PON3: variants seen among roughly 807,000 people sequenced by gnomAD.
PON3 encodes paraoxonase 3.
A neutral mutation model predicts 36.3 loss-of-function variants in PON3; 37 were observed. That is an observed-to-expected ratio of 1.02 (90% CI 0.78 to 1.34). PON3 has a LOEUF of 1.34. PON3 is among the 40% of genes most tolerant of loss of function. The pLI, the probability that PON3 is intolerant of heterozygous loss-of-function variation, is 0.00. For synonymous variants in PON3, 155 were observed against 154.8 expected (o/e 1.00, Z -0.01); for missense variants, 415 against 426.5 (o/e 0.97, Z 0.24).
chr7:95,365,760 C>G (rs999994410), intron 5 of PON3: 2 of 152,284 alleles, frequency 1.3e-5, no homozygotes, highest in Non-Finnish European at 2.9e-5. Flanking sequence ...AGGGAAGGAT[C>G]CTTCCTTGCC....
chr7:95,384,377 T>A (rs942997367), intron 3 of PON3, among the ~76,000 whole-genome samples: 1 of 151,996 alleles, frequency 6.6e-6, no homozygotes, highest in Non-Finnish European at 1.5e-5. Context: ...ACTAAAGAGC[T>A]TCTGCATAGC....
At chr7:95,387,874 C>A (rs1210365718) in intron 3 of PON3, among the ~76,000 whole-genome samples, 5 of 152,124 alleles carry the variant, frequency 3.3e-5, no homozygotes, top group Non-Finnish European at 5.9e-5. Context: ...CAAAAACAAG[C>A]AATGGGAAAA....
At chr7:95,395,171 C>G (rs1809402437) in intron 1 of PON3, among the ~76,000 whole-genome samples, 1 of 152,172 alleles carries the variant, frequency 6.6e-6, no homozygotes, top group Admixed American at 6.5e-5. Flanking sequence ...CAAACTCTAT[C>G]ACTTTTGCTT....
At chr7:95,383,197 A>G (rs149643570) in intron 3 of PON3, among the ~76,000 whole-genome samples, 12,827 of 152,154 alleles carry the variant, frequency 0.084, 1,493 homozygotes, top group African/African-American at 0.26. Context: ...TTGATGGGAC[A>G]TATCTCAAAA....
chr7:95,367,275 T>C, intron 5 of PON3, 87 bp downstream of exon 5: 1 of 1,510,756 alleles, frequency 6.6e-7, no homozygotes, highest in Non-Finnish European at 9.0e-7. Context: ...AAAACAAAAG[T>C]TTAAGAAAGC....
chr7:95,389,890 G>A (rs757132158), intron 3 of PON3, among the ~76,000 whole-genome samples: 5 of 152,142 alleles, frequency 3.3e-5, no homozygotes, highest in Non-Finnish European at 7.4e-5. Flanking sequence ...GGAATCGAGT[G>A]GAAATCAATA....
At chr7:95,391,422 G>A (rs1287973758) in intron 2 of PON3, among the ~76,000 whole-genome samples, 4 of 152,130 alleles carry the variant, frequency 2.6e-5, no homozygotes, top group South Asian at 2.1e-4. Context: ...GCCAGATAAC[G>A]TCCTGGTTAA....
Position 95,369,878 on chromosome 7 carries a change from G to C in PON3, c.367+2295C>G, listed in dbSNP as rs192158082. Among the ~76,000 whole-genome samples, 1,432 of 152,300 alleles carry C rather than the reference G, an allele frequency of 9.4e-3. 25 individuals carry two copies. Among genetic ancestry groups the C allele is most frequent in the South Asian group, 0.025 (120 of 4,818 alleles). On this transcript the variant is annotated intron_variant, in intron 4 of 8. Transcript: ENST00000265627. ...CAAATTGGAACAAGATGGTGGGCAG[G>C]CTTCCCTGAGAAGATGATATTTAAG...
At chr7:95,385,716 C>G (rs1809174754) in intron 3 of PON3, among the ~76,000 whole-genome samples, 2 of 152,172 alleles carry the variant, frequency 1.3e-5, no homozygotes, top group African/African-American at 4.8e-5. Context: ...CACAAACTGT[C>G]TCTCAGACCA....
At chr7:95,396,138 T>G in intron 1 of PON3, 139 bp downstream of exon 1, 1 of 919,890 alleles carries the variant, frequency 1.1e-6, no homozygotes, top group Non-Finnish European at 1.8e-6. Context: ...CAAGGGGCGG[T>G]TTGCTGGGTG....
chr7:95,383,595 C>G (rs1036059512), intron 3 of PON3, among the ~76,000 whole-genome samples: 4 of 152,134 alleles, frequency 2.6e-5, no homozygotes, highest in African/African-American at 9.7e-5. Flanking sequence ...AGTGAACTCC[C>G]ATTCACAATT....
intron 3 of PON3, among the ~76,000 whole-genome samples, chr7:95,382,792 C>A (rs2116408780): frequency 6.6e-6 from 1 of 152,266 alleles, no homozygotes; most frequent in East Asian, 1.9e-4. Context: ...GAGCTGGTAC[C>A]ATTCTTCCTA....
At position 95,362,353 on chromosome 7, in the gene PON3, G is replaced by A. The variant is rs199823263; in HGVS notation, c.906+9C>T. 23 of 1,613,612 alleles carry A rather than the reference G, an allele frequency of 1.4e-5. No homozygotes were observed. The East Asian group carries it at 4.2e-4, about 30-fold the overall frequency. On this transcript the variant is annotated intron_variant, in intron 8 of 8. Coordinates refer to ENST00000265627, the MANE Select transcript of PON3 (RefSeq NM_000940.3). Reference sequence around the variant, plus strand: ...TTGCCTGTGAGCTCAGAGAGGTATAGGAACTTACTTCTGATCCTGGAGGGT... The same window carrying A: ...TTGCCTGTGAGCTCAGAGAGGTATAAGAACTTACTTCTGATCCTGGAGGGT...
At chr7:95,376,167 C>T (rs1327492111) in intron 3 of PON3, among the ~76,000 whole-genome samples, 2 of 152,182 alleles carry the variant, frequency 1.3e-5, no homozygotes, top group African/African-American at 4.8e-5. Flanking sequence ...CCTCACCCCA[C>T]AAGAGAGTGC....
At chr7:95,377,630 A>G (rs1163936347) in intron 3 of PON3, 2 of 404,688 alleles carry the variant, frequency 4.9e-6, no homozygotes, top group Non-Finnish European at 9.9e-6. Context: ...ATACCCAGGC[A>G]AACAGGGTCT....
At position 95,386,907 on chromosome 7, in the gene PON3, C is replaced by G. The variant is rs556215936; in HGVS notation, c.201+3247G>C. The stretch of plus-strand genomic sequence containing the variant: ...AACCACATGATTATCTCAATAGATG[C>G]AGAAAAGGCCTTCGACAAAATTCAA... On this transcript the variant is annotated intron_variant, in intron 3 of 8. Coordinates refer to ENST00000265627, the MANE Select transcript of PON3 (RefSeq NM_000940.3). Among the ~76,000 whole-genome samples, 36 of 152,230 alleles carry G rather than the reference C, an allele frequency of 2.4e-4. No individual in the cohort carries two copies. In the East Asian group the frequency reaches 6.6e-3, roughly 28 times the overall value.
At chr7:95,396,188 CG>C (rs1809428640) in intron 1 of PON3, 88 bp downstream of exon 1, 1 of 1,426,170 alleles carries the variant, frequency 7.0e-7, no homozygotes, top group South Asian at 1.1e-5. Flanking sequence ...CTTTCCTACC[CG>C]CTAGGAAGGG....
chr7:95,371,174 T>C (rs1338214802), intron 4 of PON3, among the ~76,000 whole-genome samples: 2 of 152,176 alleles, frequency 1.3e-5, no homozygotes, highest in Non-Finnish European at 2.9e-5. Context: ...TAAATACCTA[T>C]CACATTTTGT....
intron 3 of PON3, among the ~76,000 whole-genome samples, chr7:95,378,226 C>A (rs1277495573): frequency 6.6e-6 from 1 of 152,130 alleles, no homozygotes; most frequent in Admixed American, 6.5e-5. Context: ...AAGAAACGAA[C>A]AAAGCCTCCA....
Sources: allele counts gnomAD v4.1 joint callset (sites outside exome capture counted in the v4.1 genomes callset), GRCh38; gene constraint gnomAD v4.1.1; transcripts MANE v1.5; gene names NCBI Gene and HGNC (gene_info 2026-07-23, HGNC 2026-07-21).